KMT2C: variants seen among roughly 807,000 people sequenced by gnomAD.
The protein encoded by KMT2C is lysine methyltransferase 2C, also known as histone-lysine N-methyltransferase 2C.
A neutral mutation model predicts 507.9 loss-of-function variants in KMT2C; 88 were observed. The ratio of observed to expected loss-of-function variants is 0.17; its 90% CI spans 0.15 to 0.21. KMT2C has a LOEUF of 0.21. Ranked by LOEUF, KMT2C falls within the 10% of genes least tolerant of loss-of-function variation. The pLI, the probability that KMT2C is intolerant of heterozygous loss-of-function variation, is 1.00. For missense variants in KMT2C, 4,954 were observed against 5,957.8 expected (o/e 0.83, Z 5.55); for synonymous variants, 2,049 against 2,080.8 (o/e 0.98, Z 0.42).
At chr7:152,376,998 A>C (rs1425531553) in intron 1 of KMT2C, among the ~76,000 whole-genome samples, 1 of 152,164 alleles carries the variant, frequency 6.6e-6, no homozygotes, top group African/African-American at 2.4e-5. Flanking sequence ...CAGCCTGGGC[A>C]ACAAGGCGAG....
At chr7:152,156,864 AAAGT>A (rs1274406478) in intron 44 of KMT2C, among the ~76,000 whole-genome samples, 1 of 152,146 alleles carries the variant, frequency 6.6e-6, no homozygotes, top group Non-Finnish European at 1.5e-5. Flanking sequence ...TGCTACTACT[AAAGT>A]AACTAAATCA....
chr7:152,377,670 G>T (rs2097339569), intron 1 of KMT2C, among the ~76,000 whole-genome samples: 1 of 150,624 alleles, frequency 6.6e-6, no homozygotes, highest in Non-Finnish European at 1.5e-5. Flanking sequence ...AGGAGGCAGA[G>T]GTTGCACTAA....
intron 49 of KMT2C, among the ~76,000 whole-genome samples, 161 bp from the exon 50 acceptor site, chr7:152,151,742 G>A (rs1328853239): frequency 2.6e-5 from 4 of 152,058 alleles, no homozygotes; most frequent in Non-Finnish European, 4.4e-5. Context: ...TTACAGAGTC[G>A]ATTATCTGAC....
intron 26 of KMT2C, among the ~76,000 whole-genome samples, chr7:152,201,142 T>G (rs555353772): frequency 6.6e-6 from 1 of 152,272 alleles, no homozygotes; most frequent in African/African-American, 2.4e-5. Context: ...ACTTTACTGG[T>G]GTTTATCAAA....
Position 152,163,317 on chromosome 7 carries a change from A to G in KMT2C, c.10260T>C (p.Asp3420=), listed in dbSNP as rs1439356924. 5.6e-6 allele frequency: 9 copies of G among 1,614,046 alleles called. No individual in the cohort carries two copies. Among genetic ancestry groups the G allele is most frequent in the African/African-American group, 4.0e-5 (3 of 74,910 alleles). The change falls in exon 43 of 59, where the codon GAT becomes GAC. Residue 3420 remains aspartate (D), a synonymous_variant. Transcript: ENST00000262189. ...RQRIQLMQEV[D]RQRALQQRME... Reference sequence around the variant, plus strand: ...TCCTCTGCTGCAAAGCTCTTTGTCTATCTACCTCCTGCATGAGTTGGATCC... The same window carrying G: ...TCCTCTGCTGCAAAGCTCTTTGTCTGTCTACCTCCTGCATGAGTTGGATCC...
At chr7:152,195,458 T>C (rs2093934745) in intron 28 of KMT2C, 1 of 787,650 alleles carries the variant, frequency 1.3e-6, no homozygotes, top group South Asian at 5.7e-5. Context: ...TTGTTTCAGC[T>C]GAAATCACTA....
In KMT2C at chr7:152,275,295, G is replaced by A. The variant is rs111837426; in HGVS notation, c.850-1428C>T. Among the ~76,000 whole-genome samples the A allele has an allele frequency of 7.7e-3, 1,172 of 152,104 alleles. 10 individuals are homozygous for A. Among genetic ancestry groups the A allele is most frequent in the Non-Finnish European group, 0.013 (892 of 67,974 alleles). ...CCGGGTGGCTCACACCTGTAATCCC[G>A]GCACTTTGGAAGGCCAAGGCGGGTG... On this transcript the variant is annotated intron_variant, in intron 6 of 58. Coordinates refer to ENST00000262189, the MANE Select transcript of KMT2C (RefSeq NM_170606.3).
chr7:152,226,218 C>CATTTTTTTTT (rs1563479395), intron 18 of KMT2C, among the ~76,000 whole-genome samples: 4 of 128,026 alleles, frequency 3.1e-5, no homozygotes, highest in African/African-American at 9.7e-5. Context: ...CATTACAAGG[C>CATTTTTTTTT]CTTTTTTTTT....
intron 1 of KMT2C, among the ~76,000 whole-genome samples, chr7:152,427,297 G>A (rs972871861): frequency 2.6e-5 from 4 of 152,188 alleles, no homozygotes; most frequent in Admixed American, 2.0e-4. Context: ...ACAGGCGTTA[G>A]CCACTGCGCC....
At chr7:152,392,400 T>C (rs2097506096) in intron 1 of KMT2C, among the ~76,000 whole-genome samples, 2 of 152,228 alleles carry the variant, frequency 1.3e-5, no homozygotes, top group East Asian at 3.8e-4. Context: ...ATATCCTCTA[T>C]GCTGTTTCAT....
At chr7:152,246,002 A>G (rs980422396) in intron 14 of KMT2C, among the ~76,000 whole-genome samples, 8 of 152,212 alleles carry the variant, frequency 5.3e-5, no homozygotes, top group Non-Finnish European at 1.2e-4. Flanking sequence ...AAACAGAAGT[A>G]TAATACAGAA....
At chr7:152,430,055 G>A (rs1482811002) in intron 1 of KMT2C, among the ~76,000 whole-genome samples, 6 of 151,048 alleles carry the variant, frequency 4.0e-5, no homozygotes, top group Non-Finnish European at 8.8e-5. Flanking sequence ...GCATGCGCCT[G>A]TAATCCCAGC....
Position 152,145,401 on chromosome 7 carries a change from T to C in KMT2C, c.14032-106A>G. ...CACGACAGAAATAACTCATCAGCGTTTTCCCCGATAATAAAATGGTCTTCT... is the reference window on the plus strand; with the variant it reads ...CACGACAGAAATAACTCATCAGCGTCTTCCCCGATAATAAAATGGTCTTCT... On this transcript the variant is annotated intron_variant, in intron 53 of 58. Coordinates refer to ENST00000262189, the MANE Select transcript of KMT2C (RefSeq NM_170606.3). 3 of 1,111,282 alleles carry C rather than the reference T, an allele frequency of 2.7e-6. No individual in the cohort carries two copies. The South Asian group carries it at 4.5e-5, about 17-fold the overall frequency. The allele number at this position is 1,111,282 out of a possible 1,614,324, so 68.8% of individuals were successfully genotyped here.
intron 21 of KMT2C, 120 bp from the exon 22 acceptor site, chr7:152,222,186 CA>C (rs2094794154): frequency 1.5e-6 from 1 of 658,126 alleles, no homozygotes; most frequent in Non-Finnish European, 2.4e-6. Flanking sequence ...AATGTTTGAA[CA>C]CTAAAGTTAA....
At position 152,149,262 on chromosome 7, in the gene KMT2C, G is replaced by C. The variant is rs1303649887; in HGVS notation, c.12775-110C>G. ...TATGACTGAAGAGGATGGGTGACCT[G>C]AGGGGCAGAGGGAGAGTCAGCAGTA... On this transcript the variant is annotated intron_variant, in intron 51 of 58. Coordinates refer to ENST00000262189, the MANE Select transcript of KMT2C (RefSeq NM_170606.3). The C allele has an allele frequency of 6.1e-6, 6 of 983,278 alleles. No individual in the cohort carries two copies. In the Admixed American group the frequency reaches 2.1e-4, roughly 34 times the overall value. The allele number at this position is 983,278 out of a possible 1,614,324, so 60.9% of individuals were successfully genotyped here. A position where few individuals can be genotyped will look rare whatever the true frequency, so the allele number is the denominator to read the frequency against.
chr7:152,296,025 G>A (rs1215155223), intron 6 of KMT2C, among the ~76,000 whole-genome samples: 14 of 128,066 alleles, frequency 1.1e-4, no homozygotes, highest in African/African-American at 3.7e-4. Flanking sequence ...CCGAGATCAC[G>A]CCACTGCACT....
intron 2 of KMT2C, among the ~76,000 whole-genome samples, chr7:152,354,288 G>A (rs1260248995): frequency 6.6e-6 from 1 of 152,168 alleles, no homozygotes; most frequent in East Asian, 1.9e-4. Context: ...ATTTAGTTTT[G>A]TTGTAATGTT....
intron 6 of KMT2C, among the ~76,000 whole-genome samples, chr7:152,275,929 A>C (rs1372416284): frequency 6.6e-6 from 1 of 152,242 alleles, no homozygotes; most frequent in African/African-American, 2.4e-5. Flanking sequence ...AAATATAATG[A>C]GAGGTAAGTA....
intron 1 of KMT2C, chr7:152,367,219 G>A: frequency 2.7e-6 from 4 of 1,488,404 alleles, no homozygotes; most frequent in South Asian, 1.2e-5. Context: ...AGCAGATGCA[G>A]TGTGTTTTGA....
Sources: gnomAD v4.1 joint callset for allele counts (sites outside exome capture counted in the v4.1 genomes callset) on GRCh38, gnomAD v4.1.1 for gene constraint, MANE v1.5 for transcripts, NCBI Gene and HGNC (gene_info 2026-07-23, HGNC 2026-07-21) for gene names.